The following SLC24A3 variants were observed in gnomAD, a reference collection of about 807,000 sequenced individuals.
SLC24A3 encodes sodium/potassium/calcium exchanger 3.
In SLC24A3, 28 loss-of-function variants were observed where a neutral mutation model predicts 75.8. The ratio of observed to expected loss-of-function variants is 0.37; its 90% CI spans 0.27 to 0.51. The LOEUF (loss-of-function observed/expected upper bound fraction) is 0.51. Among genes scored for constraint, SLC24A3 ranks in the 20% least tolerant of loss-of-function variants. SLC24A3 has a pLI of 0.94. For missense variants in SLC24A3, 663 were observed against 847.8 expected (o/e 0.78, Z 2.71); for synonymous variants, 372 against 334.1 (o/e 1.11, Z -1.24).
At chr20:19,394,275 A>G (rs1986414365) in intron 2 of SLC24A3, among the ~76,000 whole-genome samples, 1 of 152,194 alleles carries the variant, frequency 6.6e-6, no homozygotes, top group Non-Finnish European at 1.5e-5. Context: ...CATAGGAGTA[A>G]AGCTTCCTGC....
chr20:19,550,957 G>A (rs1275402774), intron 3 of SLC24A3, among the ~76,000 whole-genome samples: 2 of 152,258 alleles, frequency 1.3e-5, no homozygotes, highest in East Asian at 3.8e-4. Flanking sequence ...TGAGGAAAGA[G>A]GATGAGAACG....
intron 2 of SLC24A3, among the ~76,000 whole-genome samples, chr20:19,493,890 G>T (rs1032996497): frequency 6.6e-6 from 1 of 152,176 alleles, no homozygotes; most frequent in African/African-American, 2.4e-5. Flanking sequence ...TGCCTCTTTG[G>T]TTCCTCACAG....
At chr20:19,638,350 C>T (rs1216152096) in intron 6 of SLC24A3, among the ~76,000 whole-genome samples, 4 of 151,964 alleles carry the variant, frequency 2.6e-5, no homozygotes, top group African/African-American at 7.3e-5. Context: ...AAGTGTATAC[C>T]GCTGGGACAT....
At chr20:19,224,287 G>C (rs147988907) in intron 1 of SLC24A3, among the ~76,000 whole-genome samples, 32 of 152,284 alleles carry the variant, frequency 2.1e-4, no homozygotes, top group African/African-American at 7.0e-4. Context: ...AAAAGGAGTA[G>C]TCCAGTAATT....
At chr20:19,249,216 T>G (rs950358938) in intron 1 of SLC24A3, among the ~76,000 whole-genome samples, 2 of 152,170 alleles carry the variant, frequency 1.3e-5, no homozygotes, top group African/African-American at 4.8e-5. Flanking sequence ...TTTTATTTCT[T>G]TGTAAAACAA....
chr20:19,381,151 TATTTATTC>T (rs1209994697), intron 2 of SLC24A3, among the ~76,000 whole-genome samples: 2 of 152,222 alleles, frequency 1.3e-5, no homozygotes, highest in African/African-American at 2.4e-5. Flanking sequence ...TCTTTTAAAA[TATTTATTC>T]ATTTATTCAT....
intron 2 of SLC24A3, among the ~76,000 whole-genome samples, chr20:19,334,118 A>G (rs1038389101): frequency 2.6e-5 from 4 of 152,172 alleles, no homozygotes; most frequent in Non-Finnish European, 5.9e-5. Context: ...CACACAGGAA[A>G]CAAAACATGT....
At chr20:19,625,740 T>G (rs904001000) in intron 6 of SLC24A3, among the ~76,000 whole-genome samples, 3 of 152,194 alleles carry the variant, frequency 2.0e-5, no homozygotes, top group Non-Finnish European at 4.4e-5. Flanking sequence ...CAAACATATA[T>G]TTTGTCATTT....
At chr20:19,304,265 G>A (rs1013449650) in intron 2 of SLC24A3, among the ~76,000 whole-genome samples, 20 of 152,128 alleles carry the variant, frequency 1.3e-4, no homozygotes, top group African/African-American at 4.8e-4. Context: ...TTCTAGGGAT[G>A]GGATGGCATC....
chr20:19,445,146 G>A (rs546012615), intron 2 of SLC24A3, among the ~76,000 whole-genome samples: 5 of 152,190 alleles, frequency 3.3e-5, no homozygotes, highest in South Asian at 4.2e-4. Context: ...CCAGTACAGC[G>A]TTACACATAA....
chr20:19,572,546 G>C (rs2031070136), intron 3 of SLC24A3, among the ~76,000 whole-genome samples: 1 of 152,150 alleles, frequency 6.6e-6, no homozygotes, highest in African/African-American at 2.4e-5. Flanking sequence ...TGACTTCTTT[G>C]TGTGGTAAAA....
rs372360330 is a variant in SLC24A3 at position 19,597,299 on chromosome 20, A to T, written c.612+11755A>T. 7.0e-4 allele frequency among the ~76,000 whole-genome samples: 107 copies of T among 152,264 alleles called. No homozygotes were observed. In the South Asian group the frequency reaches 0.013, roughly 19 times the overall value. On this transcript the variant is annotated intron_variant, in intron 6 of 16. Coordinates refer to ENST00000328041, the MANE Select transcript of SLC24A3 (RefSeq NM_020689.4). ...CTACTTGGGAGGCTAAGGTGGGAGG[A>T]TCACTTGAGCCTGGGTAGTTGAGGC...
intron 7 of SLC24A3, among the ~76,000 whole-genome samples, chr20:19,656,301 G>A (rs939681000): frequency 4.6e-5 from 7 of 152,090 alleles, no homozygotes; most frequent in African/African-American, 1.7e-4. Context: ...AAAACAGGAA[G>A]GGAACTGGAC....
intron 3 of SLC24A3, among the ~76,000 whole-genome samples, chr20:19,572,831 T>C (rs1244910292): frequency 2.0e-5 from 3 of 152,194 alleles, no homozygotes; most frequent in Non-Finnish European, 4.4e-5. Flanking sequence ...CCATGGTCAG[T>C]TCCACCTTGT....
At chr20:19,372,625 G>A (rs1199810226) in intron 2 of SLC24A3, among the ~76,000 whole-genome samples, 14 of 152,204 alleles carry the variant, frequency 9.2e-5, no homozygotes, top group Admixed American at 9.2e-4. Flanking sequence ...AAACCTTGGA[G>A]AAGCTTCCTA....
chr20:19,701,208 C>T (rs956093964), intron 15 of SLC24A3, among the ~76,000 whole-genome samples: 1 of 152,072 alleles, frequency 6.6e-6, no homozygotes, highest in Non-Finnish European at 1.5e-5. Context: ...AAATGGGAAT[C>T]CATGTTTAGC....
intron 3 of SLC24A3, among the ~76,000 whole-genome samples, chr20:19,551,983 A>G (rs1380155307): frequency 1.3e-5 from 2 of 152,154 alleles, no homozygotes. Flanking sequence ...ATGTGGGGCT[A>G]CTCACGTCGC....
chr20:19,515,668 G>T, intron 3 of SLC24A3, 104 bp downstream of exon 3: 2 of 1,133,842 alleles, frequency 1.8e-6, no homozygotes. Context: ...CTGCCCTCCT[G>T]TTCCCACGCT....
chr20:19,447,565 C>G (rs891311419), intron 2 of SLC24A3, among the ~76,000 whole-genome samples: 1 of 151,914 alleles, frequency 6.6e-6, no homozygotes, highest in Admixed American at 6.6e-5. Flanking sequence ...TACACACACA[C>G]AAAATAAAAT....
Sources: gnomAD v4.1 joint callset for allele counts (sites outside exome capture counted in the v4.1 genomes callset) on GRCh38, gnomAD v4.1.1 for gene constraint, MANE v1.5 for transcripts, NCBI Gene and HGNC (gene_info 2026-07-23, HGNC 2026-07-21) for gene names.